The following SCAF1 variants were observed in gnomAD, a reference collection of about 807,000 sequenced individuals.
SCAF1 encodes the protein splicing factor, arginine/serine-rich 19.
SCAF1 carries 28 observed loss-of-function variants against 91.2 expected under a neutral mutation model. The observed-to-expected ratio is 0.31, with a 90% CI of 0.23 to 0.42. The LOEUF (loss-of-function observed/expected upper bound fraction) is 0.42, where lower values mean the gene tolerates loss of function less well. Among genes scored for constraint, SCAF1 ranks in the 10% least tolerant of loss-of-function variants. The pLI is 1.00. For missense variants in SCAF1, 1,893 were observed against 1,872.1 expected (o/e 1.01, Z -0.21); for synonymous variants, 1,036 against 833.7 (o/e 1.24, Z -4.18).
Position 49,653,533 on chromosome 19 carries a change from C to A in SCAF1, c.3144C>A (p.Thr1048=). The A allele has an allele frequency of 6.3e-7, 1 of 1,579,754 alleles. No homozygotes were observed. The highest frequency in any genetic ancestry group is 1.1e-5 in the South Asian group (1 of 87,176). Residue 1048 remains threonine, a synonymous_variant, in exon 7 of 11, where the codon ACC becomes ACA. Transcript: ENST00000360565. Reference sequence around the variant, plus strand: ...AGCAGCCTGCTACCACCACGGCCACCAGCACTGCTGCAGCCGCCCCAAGCA... The same window carrying A: ...AGCAGCCTGCTACCACCACGGCCACAAGCACTGCTGCAGCCGCCCCAAGCA... ...EEQQPATTTA[T]STAAAAPSTA... is the part of the protein sequence containing the mutation.
chr19:49,651,358 C>T lies in SCAF1; in HGVS notation c.969C>T (p.Asp323=), dbSNP rs372506690. The change falls in exon 7 of 11, where the codon GAC becomes GAT. Residue 323 remains aspartate (D), a synonymous_variant. Coordinates refer to ENST00000360565, the MANE Select transcript of SCAF1 (RefSeq NM_021228.3). Reference sequence around the variant, plus strand: ...CAGGTGACGAGAGCCCCCGCCCGGACGCGCAGCCCACACAGCCGACTCCCG... The same window carrying T: ...CAGGTGACGAGAGCCCCCGCCCGGATGCGCAGCCCACACAGCCGACTCCCG... The part of the protein sequence containing the change: ...DFPGDESPRP[D]AQPTQPTPAP... The T allele has an allele frequency of 3.2e-5, 52 of 1,608,154 alleles. No individual in the cohort carries two copies. The East Asian group carries it at 9.8e-4, about 30-fold the overall frequency.
In SCAF1 at chr19:49,645,418, C is replaced by T. The variant is rs763480336; in HGVS notation, c.166+7C>T. On this transcript the variant is annotated splice_region_variant and intron_variant, in intron 3 of 10. Coordinates refer to ENST00000360565, the MANE Select transcript of SCAF1 (RefSeq NM_021228.3). The surrounding 1 kb of genome is among the most constrained non-coding windows in gnomAD (Gnocchi z 4.6). Reference sequence around the variant, plus strand: ...GACCTGCCCAATGATAAAGGTATGGCGGCTTCCGGTTCCTTTTAGCCCCTG... The same window carrying T: ...GACCTGCCCAATGATAAAGGTATGGTGGCTTCCGGTTCCTTTTAGCCCCTG... The T allele has an allele frequency of 1.4e-5, 22 of 1,612,548 alleles. No homozygotes were observed. The South Asian group carries it at 1.8e-4, about 13-fold the overall frequency.
rs1156475881 is a variant in SCAF1 at position 49,645,656 on chromosome 19, G to A, written c.166+245G>A. Reference sequence around the variant, plus strand: ...GCTAGCATGGTGGGAGACGGGTCAGGGCACCTTCCCCGAGCAGGGACAGTG... The same window carrying A: ...GCTAGCATGGTGGGAGACGGGTCAGAGCACCTTCCCCGAGCAGGGACAGTG... On this transcript the variant is annotated intron_variant, in intron 3 of 10. Coordinates refer to ENST00000360565, the MANE Select transcript of SCAF1 (RefSeq NM_021228.3). This position sits in a 1 kb window ranked among gnomAD's most constrained non-coding sequence, Gnocchi z 4.6. 6.6e-6 allele frequency among the ~76,000 whole-genome samples: 1 copy of A among 152,178 alleles called. No homozygotes were observed. The highest frequency in any genetic ancestry group is 1.5e-5 in the Non-Finnish European group (1 of 68,026).
chr19:49,646,616 C>T lies in SCAF1; in HGVS notation c.352C>T (p.Arg118Trp), dbSNP rs151036254. 142 of 1,614,022 alleles carry T rather than the reference C, an allele frequency of 8.8e-5. No homozygotes were observed. The African/African-American group carries it at 1.5e-3, about 18-fold the overall frequency. ...CTGGGTTCCCAGCCGCCTGGACCTG[C>T]GGCCTGGCGAGTGAGTAGCTGGGCA... ...DTWVPSRLDL[R>W]PGESEDMLEL... The change falls in exon 5 of 11, where the codon CGG becomes TGG. Residue 118 changes from arginine to tryptophan, a missense_variant. Transcript: ENST00000360565. The surrounding 1 kb of genome is among the most constrained non-coding windows in gnomAD (Gnocchi z 5.6).
intron 9 of SCAF1, among the ~76,000 whole-genome samples, chr19:49,655,264 G>A (rs2081132105): frequency 6.6e-6 from 1 of 152,172 alleles, no homozygotes; most frequent in Admixed American, 6.5e-5. Context: ...GAGAATGGGT[G>A]CCAGGCAGAC....
In SCAF1 at chr19:49,652,371, AGGCCCC is replaced by A. The variant is rs2081102297; in HGVS notation, c.1986_1991del (p.Ala666_Pro667del). 7.1e-6 allele frequency: 11 copies of A among 1,539,626 alleles called. No homozygotes were observed. Among genetic ancestry groups the A allele is most frequent in the Non-Finnish European group, 9.6e-6 (11 of 1,146,278 alleles). ...AAGCGGTCTGGGGATGGCAGCGAGA[AGGCCCC>A]GGCGCCCGCCCCGCCGCCCTCTGGC... is the stretch of plus-strand genomic sequence containing the variant. On this transcript the variant is annotated inframe_deletion, in exon 7 of 11. Coordinates refer to ENST00000360565, the MANE Select transcript of SCAF1 (RefSeq NM_021228.3).
At position 49,651,205 on chromosome 19, in the gene SCAF1, GGAGGAAGAGGAAGAAGAA is replaced by G. The variant is rs770091979; in HGVS notation, c.831_848del (p.Glu277_Glu282del). 1 of 1,613,018 alleles carries G rather than the reference GGAGGAAGAGGAAGAAGAA, an allele frequency of 6.2e-7. No homozygotes were observed. The highest frequency in any genetic ancestry group is 8.5e-7 in the Non-Finnish European group (1 of 1,179,508). On this transcript the variant is annotated inframe_deletion, in exon 7 of 11. Coordinates refer to ENST00000360565, the MANE Select transcript of SCAF1 (RefSeq NM_021228.3). The stretch of plus-strand genomic sequence containing the variant: ...CCCCCTCACCTGAGGAGGAAGAGGA[GGAGGAAGAGGAAGAAGAA>G]GAGGAAGAGGAAGACGAGGAGGAGG...
chr19:49,651,726 T>G lies in SCAF1; in HGVS notation c.1337T>G (p.Phe446Cys). ...CCGCGGGCCCCCGAGGGGGACGACT[T>G]CTTGTCCCTGCATGCGGAGTCGGAC... Reference protein sequence around the residue: ...PAPRAPEGDDFLSLHAESDGE... With the variant: ...PAPRAPEGDDCLSLHAESDGE... The change falls in exon 7 of 11, where the codon TTC (phenylalanine) becomes TGC (cysteine). Residue 446 changes from phenylalanine (F) to cysteine (C), a missense_variant. Physicochemically the swap from Phe to Cys is radical, Grantham distance 205 (BLOSUM62 -2). Transcript: ENST00000360565. 7.3e-7 allele frequency: 1 copy of G among 1,372,518 alleles called. No homozygotes were observed. The highest frequency in any genetic ancestry group is 9.3e-7 in the Non-Finnish European group (1 of 1,073,416). The allele number at this position is 1,372,518 out of a possible 1,614,324, so 85.0% of individuals were successfully genotyped here.
At position 49,645,608 on chromosome 19, in the gene SCAF1, G is replaced by A. The variant is rs2081050368; in HGVS notation, c.166+197G>A. 6.6e-6 allele frequency among the ~76,000 whole-genome samples: 1 copy of A among 152,236 alleles called. No homozygotes were observed. The highest frequency in any genetic ancestry group is 1.5e-5 in the Non-Finnish European group (1 of 68,040). On this transcript the variant is annotated intron_variant, in intron 3 of 10. Coordinates refer to ENST00000360565, the MANE Select transcript of SCAF1 (RefSeq NM_021228.3). The surrounding 1 kb of genome is among the most constrained non-coding windows in gnomAD (Gnocchi z 4.6). ...GGAAGGGAGACAGGCACAGTGCTGGGAGAGGGCAGGAGGCCCACTTGAGCT... is the reference window on the plus strand; with the variant it reads ...GGAAGGGAGACAGGCACAGTGCTGGAAGAGGGCAGGAGGCCCACTTGAGCT...
At chr19:49,654,292 A>C in intron 7 of SCAF1, 57 bp from the exon 8 acceptor site, 1 of 1,472,952 alleles carries the variant, frequency 6.8e-7, no homozygotes, top group Non-Finnish European at 9.4e-7. Flanking sequence ...GAGGTTCACC[A>C]GCTCCTGTCC....
rs1287753505 is a variant in SCAF1 at position 49,645,091 on chromosome 19, C to G, written c.65C>G (p.Pro22Arg). The change falls in exon 2 of 11, where the codon CCG becomes CGG. Residue 22 changes from proline (P) to arginine (R), a missense_variant. Physicochemically the swap from Pro to Arg is moderately radical, Grantham distance 103. Transcript: ENST00000360565. The surrounding 1 kb of genome is among the most constrained non-coding windows in gnomAD (Gnocchi z 4.6). ...TCGGGGGAGGATCGGGGCGATGGTC[C>G]GCCAGACAGAGACCCCACGCTTTCT... Reference protein sequence around the residue: ...EESGEDRGDGPPDRDPTLSPS... With the variant: ...EESGEDRGDGRPDRDPTLSPS... The G allele has an allele frequency of 1.1e-5, 18 of 1,614,012 alleles. No individual in the cohort carries two copies. The highest frequency in any genetic ancestry group is 1.4e-5 in the Non-Finnish European group (16 of 1,180,008).
At position 49,645,555 on chromosome 19, in the gene SCAF1, G is replaced by T; in HGVS notation, c.166+144G>T. 1 of 773,692 alleles carries T rather than the reference G, an allele frequency of 1.3e-6. No individual in the cohort carries two copies. Among genetic ancestry groups the T allele is most frequent in the Non-Finnish European group, 2.1e-6 (1 of 477,660 alleles). 47.9% of individuals were successfully genotyped at this position (773,692 alleles called of 1,614,324 possible). On this transcript the variant is annotated intron_variant, in intron 3 of 10. Transcript: ENST00000360565. The surrounding 1 kb of genome is among the most constrained non-coding windows in gnomAD (Gnocchi z 4.6). ...GCCAAAAATGGGCAGACACCCTGTA[G>T]CTGCCTTGGAAGGGCCTAGTGTGCA...
rs1352390025 is a variant in SCAF1 at position 49,653,214 on chromosome 19, TGAA to T, written c.2830_2832del (p.Lys944del). On this transcript the variant is annotated inframe_deletion, in exon 7 of 11. Coordinates refer to ENST00000360565, the MANE Select transcript of SCAF1 (RefSeq NM_021228.3). ...GGGGGCAGTGGTGGCCAGGTGTCGC[TGAA>T]GAAGTCCAAGGCGGATAGCTGCAGC... 2.0e-6 allele frequency: 3 copies of T among 1,531,652 alleles called. No individual in the cohort carries two copies. Among genetic ancestry groups the T allele is most frequent in the African/African-American group, 1.4e-5 (1 of 72,848 alleles). 94.9% of individuals were successfully genotyped at this position (1,531,652 alleles called of 1,614,324 possible).
At chr19:49,655,002 T>C (rs2081130603) in intron 9 of SCAF1, 132 bp downstream of exon 9, 1 of 706,182 alleles carries the variant, frequency 1.4e-6, no homozygotes, top group Admixed American at 3.1e-5. Flanking sequence ...ACCAAAGTCA[T>C]GGAACCATAA....
rs1310773445 is a variant in SCAF1 at position 49,651,799 on chromosome 19, G to T, written c.1410G>T (p.Pro470=). 1 of 1,269,816 alleles carries T rather than the reference G, an allele frequency of 7.9e-7. No individual in the cohort carries two copies. Among genetic ancestry groups the T allele is most frequent in the East Asian group, 3.6e-5 (1 of 27,398 alleles). 78.7% of individuals were successfully genotyped at this position (1,269,816 alleles called of 1,614,324 possible). A position where few individuals can be genotyped will look rare whatever the true frequency, so the allele number is the denominator to read the frequency against. Residue 470 remains proline, a synonymous_variant, in exon 7 of 11, where the codon CCG becomes CCT. Transcript: ENST00000360565. ...QVDLGEPAPA[P]PAADSRWGGL... ...ACCTAGGGGAGCCGGCTCCCGCGCC[G>T]CCCGCCGCCGACTCGCGCTGGGGCG...
At position 49,646,040 on chromosome 19, in the gene SCAF1, T is replaced by A. The variant is rs1022305097; in HGVS notation, c.167-68T>A. On this transcript the variant is annotated intron_variant, in intron 3 of 10. Coordinates refer to ENST00000360565, the MANE Select transcript of SCAF1 (RefSeq NM_021228.3). This position sits in a 1 kb window ranked among gnomAD's most constrained non-coding sequence, Gnocchi z 5.6. ...GTCAGGAACTAGATCAAGCTCCTCT[T>A]TCCTCTACCCCGCAAGTCTCTGCAG... The A allele has an allele frequency of 8.3e-5, 120 of 1,439,644 alleles. No homozygotes were observed. Among genetic ancestry groups the A allele is most frequent in the Non-Finnish European group, 1.0e-4 (107 of 1,028,092 alleles). 89.2% of individuals were successfully genotyped at this position (1,439,644 alleles called of 1,614,324 possible).
At position 49,646,510 on chromosome 19, in the gene SCAF1, C is replaced by G. The variant is rs934589165; in HGVS notation, c.262-16C>G. 6.2e-7 allele frequency: 1 copy of G among 1,611,474 alleles called. No homozygotes were observed. Among genetic ancestry groups the G allele is most frequent in the Non-Finnish European group, 8.5e-7 (1 of 1,177,716 alleles). ...TGTGACCAGGGACGGCGTAGAGCCTCTCTGGCCTCTTCCAGGTGTTGGACA... is the reference window on the plus strand; with the variant it reads ...TGTGACCAGGGACGGCGTAGAGCCTGTCTGGCCTCTTCCAGGTGTTGGACA... On this transcript the variant is annotated splice_polypyrimidine_tract_variant and intron_variant, in intron 4 of 10. Transcript: ENST00000360565. The surrounding 1 kb of genome is among the most constrained non-coding windows in gnomAD (Gnocchi z 5.6).
In SCAF1 at chr19:49,642,563, G is replaced by C. The variant is rs780421343; in HGVS notation, c.-7+321G>C. On this transcript the variant is annotated intron_variant, in intron 1 of 10. Transcript: ENST00000360565. This position sits in a 1 kb window ranked among gnomAD's most constrained non-coding sequence, Gnocchi z 4.0. The stretch of plus-strand genomic sequence containing the variant: ...GGCCTGGATCGTGTCTGTAGACACT[G>C]TAGATTGTCTTTTTGGGCTGACCGG... 2.0e-5 allele frequency: 3 copies of C among 152,440 alleles called. No homozygotes were observed. The highest frequency in any genetic ancestry group is 4.4e-5 in the Non-Finnish European group (3 of 68,230). 9.4% of individuals were successfully genotyped at this position (152,440 alleles called of 1,614,324 possible). A position where few individuals can be genotyped will look rare whatever the true frequency, so the allele number is the denominator to read the frequency against.
In SCAF1 at chr19:49,653,425, T is replaced by G. The variant is rs1294502319; in HGVS notation, c.3036T>G (p.Thr1012=). ...TCTCCTTCCTGCCCGAGGAGGCCAC[T>G]GAGGAGGCTGGGGTCCGAGGTGGGG... ...PEVSFLPEEA[T]EEAGVRGGAE... Residue 1012 remains threonine, a synonymous_variant, in exon 7 of 11, where the codon ACT becomes ACG. Transcript: ENST00000360565. 3 of 1,548,748 alleles carry G rather than the reference T, an allele frequency of 1.9e-6. No homozygotes were observed. The highest frequency in any genetic ancestry group is 1.7e-6 in the Non-Finnish European group (2 of 1,146,566).
Sources: allele counts gnomAD v4.1 joint callset (sites outside exome capture counted in the v4.1 genomes callset), GRCh38; gene constraint gnomAD v4.1.1; non-coding constraint Gnocchi (gnomAD v3.1); transcripts MANE v1.5; gene names NCBI Gene and HGNC (gene_info 2026-07-23, HGNC 2026-07-21).